The following DLGAP1 variants were observed in gnomAD, a reference collection of about 807,000 sequenced individuals.
The protein encoded by DLGAP1 is disks large-associated protein 1.
In DLGAP1, 11 loss-of-function variants were observed where a neutral mutation model predicts 90.8. The ratio of observed to expected loss-of-function variants is 0.12; its 90% CI spans 0.08 to 0.20. DLGAP1 has a LOEUF of 0.20. Among genes scored for constraint, DLGAP1 ranks in the 10% least tolerant of loss-of-function variants. The probability of loss-of-function intolerance (pLI) is 1.00; values close to 1 mark genes in which losing one functional copy is unlikely to be tolerated. For missense variants in DLGAP1, 1,050 were observed against 1,333.8 expected, an observed-to-expected ratio of 0.79 and a Z score of 3.31; for synonymous variants, 558 against 540.7, an observed-to-expected ratio of 1.03 and a Z score of -0.44.
chr18:3,580,364 C>A, intron 8 of DLGAP1: 5 of 1,613,946 alleles, frequency 3.1e-6, no homozygotes, highest in Non-Finnish European at 3.4e-6. Flanking sequence ...AGACTCGGGG[C>A]TCGAATTTCA....
chr18:3,642,791 G>A (rs778735775), intron 7 of DLGAP1, among the ~76,000 whole-genome samples: 16 of 152,212 alleles, frequency 1.1e-4, no homozygotes, highest in Non-Finnish European at 1.9e-4. Flanking sequence ...TACATTCTTT[G>A]TCCAGAACTT....
intron 4 of DLGAP1, among the ~76,000 whole-genome samples, chr18:3,873,236 T>C (rs1381324184): frequency 6.6e-6 from 1 of 152,134 alleles, no homozygotes; most frequent in Non-Finnish European, 1.5e-5. Context: ...AACAGAATTC[T>C]GCTGCTGATC....
chr18:3,925,554 TA>T (rs938484197), intron 3 of DLGAP1, among the ~76,000 whole-genome samples: 10 of 152,196 alleles, frequency 6.6e-5, no homozygotes, highest in South Asian at 2.1e-4. Flanking sequence ...AAAATGTGTA[TA>T]AAAAAATTAG....
intron 9 of DLGAP1, among the ~76,000 whole-genome samples, chr18:3,548,642 C>T (rs1049718422): frequency 2.0e-5 from 3 of 152,020 alleles, no homozygotes; most frequent in Admixed American, 1.3e-4. Context: ...TGGTACACCT[C>T]GGATCGCGCC....
intron 7 of DLGAP1, among the ~76,000 whole-genome samples, chr18:3,611,243 C>CT (rs2057608884): frequency 6.6e-6 from 1 of 151,940 alleles, no homozygotes; most frequent in East Asian, 1.9e-4. Flanking sequence ...TACAGCTCCC[C>CT]TGATCACCCA....
Position 4,426,778 on chromosome 18 carries a change from A to G in DLGAP1, c.-267+28228T>C, listed in dbSNP as rs1413139785. Among the ~76,000 whole-genome samples the G allele has an allele frequency of 2.6e-5, 4 of 152,346 alleles. No individual in the cohort carries two copies. The East Asian group carries it at 5.8e-4, about 22-fold the overall frequency. On this transcript the variant is annotated intron_variant, in intron 1 of 12. Transcript: ENST00000315677. ...TATTAAATTATTGTTTTCCTCTTAT[A>G]AATGAATTATCTCAATTAGACCTGA...
In DLGAP1 at chr18:4,173,567, TA is replaced by T. The variant is rs370201372; in HGVS notation, c.-266-22281del. Among the ~76,000 whole-genome samples, 1,335 of 150,080 alleles carry T rather than the reference TA, an allele frequency of 8.9e-3. 22 individuals are homozygous for T. The highest frequency in any genetic ancestry group is 0.029 in the African/African-American group (1,185 of 40,982). On this transcript the variant is annotated intron_variant, in intron 1 of 12. Transcript: ENST00000315677. ...TTTCTCATGGTTTCTATTTGAAAATTAAAAAAAAAATCCTAGGCTCTACTTA... is the reference window on the plus strand; with the variant it reads ...TTTCTCATGGTTTCTATTTGAAAATTAAAAAAAAATCCTAGGCTCTACTTA...
At chr18:3,708,979 T>G (rs535087614) in intron 7 of DLGAP1, among the ~76,000 whole-genome samples, 1 of 152,280 alleles carries the variant, frequency 6.6e-6, no homozygotes, top group African/African-American at 2.4e-5. Flanking sequence ...TTGAATCCAC[T>G]CTCCAAAAAG....
chr18:3,934,372 A>G (rs1272097642), intron 3 of DLGAP1, among the ~76,000 whole-genome samples: 4 of 152,210 alleles, frequency 2.6e-5, no homozygotes, highest in Non-Finnish European at 5.9e-5. Flanking sequence ...TCAAACTCAT[A>G]ATCATCGACC....
In DLGAP1 at chr18:3,958,572, G is replaced by C. The variant is rs1378572277; in HGVS notation, c.-73+46544C>G. Among the ~76,000 whole-genome samples, 10 of 145,218 alleles carry C rather than the reference G, an allele frequency of 6.9e-5. No individual in the cohort carries two copies. The Admixed American group carries it at 7.0e-4, about 10-fold the overall frequency. ...AAAGATTCATTAAAGGCAATGAAGA[G>C]AGTTCACAGTTTGAGAAACAGAAGG... is the stretch of plus-strand genomic sequence containing the variant. On this transcript the variant is annotated intron_variant, in intron 3 of 12. Transcript: ENST00000315677.
rs2081200605 is a variant in DLGAP1 at position 4,342,024 on chromosome 18, C to T, written c.-267+112982G>A. Among the ~76,000 whole-genome samples the T allele has an allele frequency of 6.6e-6, 1 of 151,994 alleles. No homozygotes were observed. The highest frequency in any genetic ancestry group is 2.4e-5 in the African/African-American group (1 of 41,368). On this transcript the variant is annotated intron_variant, in intron 1 of 12. Transcript: ENST00000315677. The surrounding 1 kb of genome is among the most constrained non-coding windows in gnomAD (Gnocchi z 5.8). ...AGTAAAAATAAATAGCTGAACCTGC[C>T]ACACAAGATCATCTTCAGAATTTCT...
At chr18:4,357,859 A>G (rs2081555057) in intron 1 of DLGAP1, among the ~76,000 whole-genome samples, 1 of 152,224 alleles carries the variant, frequency 6.6e-6, no homozygotes, top group South Asian at 2.1e-4. Flanking sequence ...GCAGTGAGAA[A>G]TGCAGCTGGC....
Position 3,919,706 on chromosome 18 carries a change from T to G in DLGAP1, c.-72-39566A>C, listed in dbSNP as rs547261887. Among the ~76,000 whole-genome samples, 160 of 152,386 alleles carry G rather than the reference T, an allele frequency of 1.0e-3. 1 individual carries two copies. Among genetic ancestry groups the G allele is most frequent in the Non-Finnish European group, 1.4e-3 (97 of 68,038 alleles). On this transcript the variant is annotated intron_variant, in intron 3 of 12. Coordinates refer to ENST00000315677, the MANE Select transcript of DLGAP1 (RefSeq NM_004746.4). ...TGTGCTAAGTAAAGTGCTTCATCTA[T>G]GTTATTTCACTTAATCTTGATAGCA...
chr18:3,721,216 A>C (rs1304195078), intron 7 of DLGAP1, among the ~76,000 whole-genome samples: 1 of 152,210 alleles, frequency 6.6e-6, no homozygotes, highest in East Asian at 1.9e-4. Flanking sequence ...GCAAGAGACC[A>C]GTCAGATCAG....
intron 2 of DLGAP1, among the ~76,000 whole-genome samples, chr18:4,133,322 G>T (rs1448423777): frequency 6.6e-6 from 1 of 152,166 alleles, no homozygotes; most frequent in Non-Finnish European, 1.5e-5. Flanking sequence ...TACAAGGGTT[G>T]CCTCAGATTC....
intron 1 of DLGAP1, among the ~76,000 whole-genome samples, chr18:4,444,374 G>C (rs1463817216): frequency 6.6e-6 from 1 of 152,200 alleles, no homozygotes; most frequent in Admixed American, 6.5e-5. Flanking sequence ...CTTGGGGAGA[G>C]AGTCATGATT....
chr18:3,714,588 C>T (rs1475292412), intron 7 of DLGAP1, among the ~76,000 whole-genome samples: 1 of 150,832 alleles, frequency 6.6e-6, no homozygotes, highest in Non-Finnish European at 1.5e-5. Flanking sequence ...ACACATTCAG[C>T]TTGACTGCCA....
chr18:4,231,485 C>T (rs566386669), intron 1 of DLGAP1, among the ~76,000 whole-genome samples: 2 of 152,250 alleles, frequency 1.3e-5, no homozygotes, highest in African/African-American at 4.8e-5. Flanking sequence ...TATTTCCTCC[C>T]TGCACCTTCA....
chr18:3,856,505 A>G (rs2069650779), intron 4 of DLGAP1, among the ~76,000 whole-genome samples: 1 of 152,172 alleles, frequency 6.6e-6, no homozygotes, highest in Non-Finnish European at 1.5e-5. Flanking sequence ...TAGGTGGGAA[A>G]TTACCTTAGT....
Sources: allele counts gnomAD v4.1 joint callset (sites outside exome capture counted in the v4.1 genomes callset), GRCh38; gene constraint gnomAD v4.1.1; non-coding constraint Gnocchi (gnomAD v3.1); transcripts MANE v1.5; gene names NCBI Gene and HGNC (gene_info 2026-07-23, HGNC 2026-07-21).